PEX5L: variants seen among roughly 807,000 people sequenced by gnomAD.
PEX5L encodes the protein PEX5-related protein.
In PEX5L, 30 loss-of-function variants were observed where a neutral mutation model predicts 84.0. The ratio of observed to expected loss-of-function variants is 0.36; its 90% CI spans 0.27 to 0.48. PEX5L has a LOEUF of 0.48. Ranked by LOEUF, PEX5L falls within the 20% of genes least tolerant of loss-of-function variation. The pLI is 0.99. For synonymous variants in PEX5L, 270 were observed against 283.1 expected (o/e 0.95, Z 0.46); for missense variants, 533 against 754.6 (o/e 0.71, Z 3.44).
chr3:179,861,141 G>T (rs985242560), intron 7 of PEX5L, among the ~76,000 whole-genome samples: 17 of 152,176 alleles, frequency 1.1e-4, no homozygotes. Context: ...TCTTTGTTGG[G>T]AATACTTCTG....
intron 2 of PEX5L, among the ~76,000 whole-genome samples, chr3:179,954,745 G>A (rs944415156): frequency 6.6e-6 from 1 of 151,966 alleles, no homozygotes; most frequent in African/African-American, 2.4e-5. Flanking sequence ...CTAGCTATGT[G>A]ACTCTTTTCG....
At chr3:179,858,346 C>T (rs775687006) in intron 8 of PEX5L, among the ~76,000 whole-genome samples, 23 of 152,046 alleles carry the variant, frequency 1.5e-4, no homozygotes, top group Non-Finnish European at 2.5e-4. Flanking sequence ...TGAGTCTACC[C>T]GGGAAGGAAA....
At chr3:180,011,629 A>G (rs1019583833) in intron 1 of PEX5L, among the ~76,000 whole-genome samples, 4 of 152,320 alleles carry the variant, frequency 2.6e-5, no homozygotes, top group Middle Eastern at 3.4e-3. Context: ...TGCTTAAGTG[A>G]TTGTAAATAA....
intron 1 of PEX5L, among the ~76,000 whole-genome samples, chr3:180,002,678 T>TG (rs928523913): frequency 1.3e-5 from 2 of 152,076 alleles, no homozygotes; most frequent in African/African-American, 4.8e-5. Context: ...ATAATCCTTT[T>TG]GGGGGGCATA....
At chr3:179,980,008 G>A (rs563178050) in intron 1 of PEX5L, among the ~76,000 whole-genome samples, 5 of 152,142 alleles carry the variant, frequency 3.3e-5, no homozygotes, top group East Asian at 1.9e-4. Context: ...ACTAAAACGC[G>A]ATCTCTTTAC....
intron 2 of PEX5L, among the ~76,000 whole-genome samples, chr3:179,923,512 C>T (rs1312972870): frequency 1.3e-5 from 2 of 152,016 alleles, no homozygotes; most frequent in African/African-American, 4.8e-5. Context: ...TACTTATAGC[C>T]CACTCTCAAA....
At chr3:179,956,664 C>G (rs1193473328) in intron 2 of PEX5L, among the ~76,000 whole-genome samples, 1 of 152,288 alleles carries the variant, frequency 6.6e-6, no homozygotes, top group East Asian at 1.9e-4. Context: ...TTATGCAAAT[C>G]CGTGTTTGTG....
intron 8 of PEX5L, among the ~76,000 whole-genome samples, chr3:179,848,895 G>A (rs1740683818): frequency 6.6e-6 from 1 of 152,156 alleles, no homozygotes; most frequent in African/African-American, 2.4e-5. Flanking sequence ...TTAGGAAAGT[G>A]GAACTGCCTC....
At chr3:179,898,473 A>G (rs1187765990) in intron 2 of PEX5L, 3 of 381,572 alleles carry the variant, frequency 7.9e-6, no homozygotes, top group Admixed American at 4.2e-5. Flanking sequence ...GACATATTAC[A>G]TTTAATTTTA....
chr3:179,832,337 TACCC>T (rs1733359294), intron 8 of PEX5L, among the ~76,000 whole-genome samples: 1 of 151,876 alleles, frequency 6.6e-6, no homozygotes, highest in Admixed American at 6.6e-5. Flanking sequence ...CCTGCTTACT[TACCC>T]ACCCACCCAC....
At chr3:179,810,490 G>A (rs1723360259) in intron 11 of PEX5L, among the ~76,000 whole-genome samples, 1 of 152,104 alleles carries the variant, frequency 6.6e-6, no homozygotes, top group South Asian at 2.1e-4. Flanking sequence ...CTATTCCACT[G>A]GCCTCTAGCA....
At chr3:179,896,528 A>G (rs893723210) in intron 3 of PEX5L, among the ~76,000 whole-genome samples, 1 of 152,194 alleles carries the variant, frequency 6.6e-6, no homozygotes, top group African/African-American at 2.4e-5. Flanking sequence ...GTTATTTTGC[A>G]TTAAATTTTA....
At chr3:179,891,126 G>A (rs550806554) in intron 3 of PEX5L, among the ~76,000 whole-genome samples, 6 of 151,896 alleles carry the variant, frequency 4.0e-5, no homozygotes, top group African/African-American at 9.7e-5. Flanking sequence ...GGACAAAGGC[G>A]TGGCATCTCC....
intron 2 of PEX5L, among the ~76,000 whole-genome samples, chr3:179,919,172 G>A (rs192575452): frequency 6.6e-6 from 1 of 152,314 alleles, no homozygotes; most frequent in African/African-American, 2.4e-5. Context: ...AACTCTTTAT[G>A]TGGGAGATCA....
intron 8 of PEX5L, among the ~76,000 whole-genome samples, chr3:179,824,831 ATCAATGTGGGGCTTCACTGCCCTGGGG>A (rs1298529930): frequency 6.6e-6 from 1 of 152,152 alleles, no homozygotes; most frequent in Non-Finnish European, 1.5e-5. Flanking sequence ...TTATGTGCAT[ATCAATGTGGGGCTTCACTGCCCTGGGG>A]TCCAGTAGTC....
At chr3:180,034,694 G>A (rs1180406401) in intron 1 of PEX5L, among the ~76,000 whole-genome samples, 4 of 152,072 alleles carry the variant, frequency 2.6e-5, no homozygotes, top group Non-Finnish European at 4.4e-5. Context: ...AAAGTATTAT[G>A]CTCTGAAATT....
intron 7 of PEX5L, among the ~76,000 whole-genome samples, chr3:179,863,651 G>C (rs1468833685): frequency 3.9e-5 from 6 of 152,128 alleles, no homozygotes; most frequent in Admixed American, 3.9e-4. Context: ...ACACCTATTA[G>C]GATGTCTGTT....
intron 1 of PEX5L, among the ~76,000 whole-genome samples, chr3:179,995,189 CTATA>C (rs888024788): frequency 6.8e-6 from 1 of 146,488 alleles, no homozygotes; most frequent in East Asian, 2.0e-4. Flanking sequence ...ACACTATATA[CTATA>C]TATAGTGTGT....
chr3:179,852,042 G>A (rs1293786399), intron 8 of PEX5L, among the ~76,000 whole-genome samples: 4 of 152,284 alleles, frequency 2.6e-5, no homozygotes, highest in South Asian at 4.1e-4. Context: ...AGTAGTTATC[G>A]AATGCTGCTT....
Sources: gnomAD v4.1 joint callset for allele counts (sites outside exome capture counted in the v4.1 genomes callset) on GRCh38, gnomAD v4.1.1 for gene constraint, MANE v1.5 for transcripts, NCBI Gene and HGNC (gene_info 2026-07-23, HGNC 2026-07-21) for gene names.